Variants in RERG observed in about 807,000 individuals in gnomAD.
The protein encoded by RERG is ras-related and estrogen-regulated growth inhibitor.
In RERG, 25 loss-of-function variants were observed where a neutral mutation model predicts 23.2. The observed-to-expected ratio is 1.08, with a 90% CI of 0.79 to 1.50. RERG has a LOEUF of 1.50. RERG is among the 40% of genes most tolerant of loss of function. The pLI, the probability that RERG is intolerant of heterozygous loss-of-function variation, is 0.00. For missense variants in RERG, 253 were observed against 250.1 expected, an observed-to-expected ratio of 1.01 and a Z score of -0.08; for synonymous variants, 81 against 89.1, an observed-to-expected ratio of 0.91 and a Z score of 0.51.
intron 2 of RERG, among the ~76,000 whole-genome samples, chr12:15,147,329 C>CA (rs1309871750): frequency 1.3e-5 from 2 of 152,022 alleles, no homozygotes; most frequent in Non-Finnish European, 2.9e-5. Flanking sequence ...TTGCTTTCAG[C>CA]AAAAAAACAT....
At chr12:15,145,596 C>A (rs1864319015) in intron 2 of RERG, among the ~76,000 whole-genome samples, 1 of 152,212 alleles carries the variant, frequency 6.6e-6, no homozygotes, top group African/African-American at 2.4e-5. Flanking sequence ...GTGCTGCAAT[C>A]TGACAAGGGG....
chr12:15,196,929 T>C (rs189221757), intron 2 of RERG, among the ~76,000 whole-genome samples: 1 of 152,250 alleles, frequency 6.6e-6, no homozygotes, highest in Non-Finnish European at 1.5e-5. Context: ...CCAAACCTCC[T>C]AATTGTTAGT....
rs541492899 is a variant in RERG at position 15,133,507 on chromosome 12, G to C, written c.62-12388C>G. Among the ~76,000 whole-genome samples the C allele has an allele frequency of 2.6e-5, 4 of 152,134 alleles. No homozygotes were observed. In the South Asian group the frequency reaches 6.2e-4, roughly 24 times the overall value. On this transcript the variant is annotated intron_variant, in intron 2 of 4. Transcript: ENST00000256953. ...CATTCATTTACTGAAGAAAAACTTAGTTGCTTCCAAGATTTGGCAATTATG... is the reference window on the plus strand; with the variant it reads ...CATTCATTTACTGAAGAAAAACTTACTTGCTTCCAAGATTTGGCAATTATG...
chr12:15,134,332 G>A (rs1205888011), intron 2 of RERG, among the ~76,000 whole-genome samples: 1 of 151,714 alleles, frequency 6.6e-6, no homozygotes, highest in Non-Finnish European at 1.5e-5. Context: ...TTTTGCATGT[G>A]GATGCCCAGT....
At chr12:15,149,181 A>G (rs1243351169) in intron 2 of RERG, among the ~76,000 whole-genome samples, 1 of 151,650 alleles carries the variant, frequency 6.6e-6, no homozygotes, top group Non-Finnish European at 1.5e-5. Flanking sequence ...CAGTCCTTTA[A>G]CTCTTAATGT....
At chr12:15,185,885 A>C (rs1591662414) in intron 2 of RERG, among the ~76,000 whole-genome samples, 1 of 152,298 alleles carries the variant, frequency 6.6e-6, no homozygotes, top group East Asian at 1.9e-4. Context: ...AATAAGACTG[A>C]TTAGAAAAAA....
chr12:15,150,991 G>T (rs1864431676), intron 2 of RERG, among the ~76,000 whole-genome samples: 1 of 152,176 alleles, frequency 6.6e-6, no homozygotes, highest in Non-Finnish European at 1.5e-5. Flanking sequence ...ATGCAATATT[G>T]TTATTGTACT....
At chr12:15,115,293 A>C (rs1863699676) in intron 3 of RERG, among the ~76,000 whole-genome samples, 1 of 152,196 alleles carries the variant, frequency 6.6e-6, no homozygotes, top group Non-Finnish European at 1.5e-5. Context: ...CCATTTTACA[A>C]GAGGAAACTG....
rs549176509 is a variant in RERG at position 15,193,684 on chromosome 12, A to G, written c.61+23745T>C. On this transcript the variant is annotated intron_variant, in intron 2 of 4. Coordinates refer to ENST00000256953, the MANE Select transcript of RERG (RefSeq NM_032918.3). ...TCCACAATATAATAATGAACACATG[A>G]CCATATAATATAGGAACAAGAGTGC... 4.6e-5 allele frequency among the ~76,000 whole-genome samples: 7 copies of G among 152,312 alleles called. No homozygotes were observed. The South Asian group carries it at 1.0e-3, about 23-fold the overall frequency.
chr12:15,154,895 A>T (rs1354871515), intron 2 of RERG, among the ~76,000 whole-genome samples: 1 of 152,216 alleles, frequency 6.6e-6, no homozygotes, highest in Non-Finnish European at 1.5e-5. Flanking sequence ...AGAATAGTTA[A>T]TTTAAATGAA....
intron 2 of RERG, among the ~76,000 whole-genome samples, chr12:15,133,163 A>ATATATG (rs1864083748): frequency 7.2e-6 from 1 of 139,646 alleles, no homozygotes; most frequent in South Asian, 2.1e-4. Context: ...ATATATATAT[A>ATATATG]TATATATATA....
At position 15,171,022 on chromosome 12, in the gene RERG, C is replaced by T. The variant is rs566173766; in HGVS notation, c.61+46407G>A. Among the ~76,000 whole-genome samples the T allele has an allele frequency of 2.6e-5, 4 of 152,246 alleles. No homozygotes were observed. In the East Asian group the frequency reaches 7.7e-4, roughly 29 times the overall value. On this transcript the variant is annotated intron_variant, in intron 2 of 4. Transcript: ENST00000256953. ...ACCAATAGGGAGAATTTAATTGGTG[C>T]ATTTATTGTGTTTATCACTGTAGTA...
chr12:15,128,489 T>C (rs1248239513), intron 2 of RERG, among the ~76,000 whole-genome samples: 2 of 152,228 alleles, frequency 1.3e-5, no homozygotes, highest in Non-Finnish European at 2.9e-5. Flanking sequence ...CAGTTTCTAT[T>C]CATAAAGTGT....
intron 2 of RERG, among the ~76,000 whole-genome samples, chr12:15,161,208 AAG>A (rs1864607886): frequency 6.9e-6 from 1 of 143,946 alleles, no homozygotes; most frequent in African/African-American, 2.5e-5. Flanking sequence ...GAAAGAAAGA[AAG>A]AAAGAAAGAA....
intron 2 of RERG, among the ~76,000 whole-genome samples, chr12:15,159,802 C>T (rs150817394): frequency 2.4e-4 from 36 of 152,120 alleles, no homozygotes; most frequent in South Asian, 4.2e-4. Flanking sequence ...CCAGCCTGGG[C>T]GACAGAGCAG....
intron 2 of RERG, among the ~76,000 whole-genome samples, chr12:15,206,695 A>G (rs920439818): frequency 2.4e-4 from 36 of 152,240 alleles, no homozygotes; most frequent in Middle Eastern, 3.4e-3. Context: ...CTATAACCCA[A>G]TAAAAAAACA....
intron 2 of RERG, among the ~76,000 whole-genome samples, chr12:15,132,817 A>G (rs1022512005): frequency 1.3e-5 from 2 of 152,044 alleles, no homozygotes; most frequent in African/African-American, 4.8e-5. Flanking sequence ...GAATATTTTC[A>G]TGTGATTATT....
intron 2 of RERG, among the ~76,000 whole-genome samples, chr12:15,206,213 C>T (rs1336751383): frequency 6.6e-6 from 1 of 152,034 alleles, no homozygotes; most frequent in Non-Finnish European, 1.5e-5. Context: ...ACAAAATTCA[C>T]CCTTCTATGA....
chr12:15,181,523 G>T (rs905819833), intron 2 of RERG, among the ~76,000 whole-genome samples: 1 of 152,178 alleles, frequency 6.6e-6, no homozygotes, highest in East Asian at 1.9e-4. Flanking sequence ...CCACTTACTA[G>T]TTACATAACC....
Sources: gnomAD v4.1 joint callset for allele counts (sites outside exome capture counted in the v4.1 genomes callset) on GRCh38, gnomAD v4.1.1 for gene constraint, MANE v1.5 for transcripts, NCBI Gene and HGNC (gene_info 2026-07-23, HGNC 2026-07-21) for gene names.